EED: variants seen among roughly 807,000 people sequenced by gnomAD.
The protein encoded by EED is polycomb protein EED.
Under a neutral mutation model 61.0 loss-of-function variants are expected in EED, and 9 were observed. The ratio of observed to expected loss-of-function variants is 0.15; its 90% CI spans 0.09 to 0.26. The LOEUF (loss-of-function observed/expected upper bound fraction) is 0.26, where lower values mean the gene tolerates loss of function less well. Among genes scored for constraint, EED ranks in the 10% least tolerant of loss-of-function variants. EED has a pLI of 1.00. For synonymous variants in EED, 187 were observed against 174.4 expected (o/e 1.07, Z -0.57); for missense variants, 315 against 542.3 (o/e 0.58, Z 4.16).
intron 7 of EED, chr11:86,265,184 C>T (rs1945943895): frequency 6.6e-6 from 1 of 152,128 alleles, no homozygotes; most frequent in South Asian, 2.1e-4. Context: ...ATTAGAAGTA[C>T]CACAACTGTG....
chr11:86,268,879 G>C (rs918079187), intron 9 of EED, among the ~76,000 whole-genome samples: 1 of 152,004 alleles, frequency 6.6e-6, no homozygotes, highest in African/African-American at 2.4e-5. Flanking sequence ...AACAGAATTG[G>C]CTTTTGTTTT....
intron 3 of EED, among the ~76,000 whole-genome samples, chr11:86,254,174 T>G (rs1016697935): frequency 1.3e-5 from 2 of 151,552 alleles, no homozygotes; most frequent in East Asian, 3.9e-4. Context: ...AAAAAGGCTA[T>G]CATACATGTG....
intron 3 of EED, among the ~76,000 whole-genome samples, chr11:86,253,223 G>C (rs769737077): frequency 6.6e-6 from 1 of 152,116 alleles, no homozygotes; most frequent in Non-Finnish European, 1.5e-5. Flanking sequence ...AGATAATGTA[G>C]TCTGCTTATA....
chr11:86,256,295 A>G, intron 4 of EED, 92 bp from the exon 5 acceptor site: 1 of 1,282,370 alleles, frequency 7.8e-7, no homozygotes, highest in Non-Finnish European at 1.0e-6. Context: ...TTGGTGTCAA[A>G]AACTTTAGCA....
At chr11:86,262,218 T>C (rs1402194351) in intron 6 of EED, among the ~76,000 whole-genome samples, 1 of 152,110 alleles carries the variant, frequency 6.6e-6, no homozygotes, top group African/African-American at 2.4e-5. Flanking sequence ...GCTGAGAGTT[T>C]ATAAATGTTT....
chr11:86,268,594 CGTGTGTGTGTGTGT>C (rs71040225), intron 9 of EED, 33 bp downstream of exon 9: 3 of 820,620 alleles, frequency 3.7e-6, no homozygotes, highest in South Asian at 1.9e-5. Flanking sequence ...GTACTTCCAT[CGTGTGTGTGTGTGT>C]GTGTGTGTGT....
At chr11:86,255,358 A>G in intron 4 of EED, 71 bp downstream of exon 4, 1 of 1,217,854 alleles carries the variant, frequency 8.2e-7, no homozygotes, top group Non-Finnish European at 1.2e-6. Flanking sequence ...CAAAACTTTT[A>G]TAAATTAATC....
chr11:86,281,712 G>C (rs533954202), downstream of EED, among the ~76,000 whole-genome samples: 1 of 152,114 alleles, frequency 6.6e-6, no homozygotes, highest in Non-Finnish European at 1.5e-5. Flanking sequence ...CTATTCGCAG[G>C]TGCAGTTATA....
intron 1 of EED, among the ~76,000 whole-genome samples, chr11:86,249,730 A>C (rs1466232239): frequency 6.6e-6 from 1 of 152,232 alleles, no homozygotes; most frequent in African/African-American, 2.4e-5. Context: ...GTAGCACTTT[A>C]AAAAAATTCT....
chr11:86,276,348 A>G (rs1946230070), intron 9 of EED: 1 of 152,170 alleles, frequency 6.6e-6, no homozygotes, highest in Non-Finnish European at 1.5e-5. Flanking sequence ...CTATCCCCAT[A>G]TGAGTGTCTT....
intron 1 of EED, among the ~76,000 whole-genome samples, chr11:86,248,951 T>A (rs886342480): frequency 7.9e-5 from 12 of 151,780 alleles, no homozygotes; most frequent in Non-Finnish European, 1.6e-4. Flanking sequence ...GAGGTGGAGG[T>A]TGCGTTGAAC....
At chr11:86,286,311 G>T in the EED span, among the ~76,000 whole-genome samples, 1 of 152,168 alleles carries the variant, frequency 6.6e-6, no homozygotes, top group South Asian at 2.1e-4. Context: ...AAAGTGCTGG[G>T]ATTACAGGCG....
chr11:86,246,055 A>G (rs914449349), intron 1 of EED, among the ~76,000 whole-genome samples: 2 of 152,246 alleles, frequency 1.3e-5, no homozygotes, highest in Non-Finnish European at 2.9e-5. Context: ...TGGTATAGGC[A>G]GATGTATTTA....
At chr11:86,271,642 A>G (rs1375232457) in intron 9 of EED, among the ~76,000 whole-genome samples, 1 of 152,194 alleles carries the variant, frequency 6.6e-6, no homozygotes, top group African/African-American at 2.4e-5. Flanking sequence ...TTCTCTATCA[A>G]GTTGGGAAAG....
intron 11 of EED, 114 bp from the exon 12 acceptor site, chr11:86,278,285 T>C (rs762749732): frequency 3.4e-5 from 50 of 1,457,920 alleles, no homozygotes; most frequent in Non-Finnish European, 4.4e-5. Context: ...ATTCTGGTTT[T>C]AAGTGCTTTT....
At chr11:86,254,910 C>T (rs574670554) in intron 3 of EED, among the ~76,000 whole-genome samples, 123 of 152,334 alleles carry the variant, frequency 8.1e-4, no homozygotes, top group Non-Finnish European at 1.3e-3. Context: ...CGTGAGCCAC[C>T]GTGCCCGGCC....
the EED span, among the ~76,000 whole-genome samples, chr11:86,285,297 G>T: frequency 6.6e-6 from 1 of 152,088 alleles, no homozygotes; most frequent in Non-Finnish European, 1.5e-5. Flanking sequence ...GTGTGCACCT[G>T]TAGTCCCAGC....
downstream of EED, among the ~76,000 whole-genome samples, chr11:86,279,126 A>G (rs530625274): frequency 5.6e-4 from 86 of 152,326 alleles, 1 homozygote; most frequent in African/African-American, 2.0e-3. Flanking sequence ...TTTTTTAATG[A>G]TTTCTTATGT....
At position 86,273,852 on chromosome 11, in the gene EED, T is replaced by C. The variant is rs138316968; in HGVS notation, c.967-3128T>C. On this transcript the variant is annotated intron_variant, in intron 9 of 11. Transcript: ENST00000263360. ...GTTTTCTTTGCCTTTAGTTTTCAGA[T>C]TGAGCATGAGTATATTTAGTTTGAG... Among the ~76,000 whole-genome samples the C allele has an allele frequency of 1.7e-3, 260 of 152,340 alleles. 1 individual carries two copies. The highest frequency in any genetic ancestry group is 2.7e-3 in the Non-Finnish European group (184 of 68,020).
Sources: gnomAD v4.1 joint callset for allele counts (sites outside exome capture counted in the v4.1 genomes callset) on GRCh38, gnomAD v4.1.1 for gene constraint, MANE v1.5 for transcripts, NCBI Gene and HGNC (gene_info 2026-07-23, HGNC 2026-07-21) for gene names.